Variants in UBE2F observed in about 807,000 individuals in gnomAD.
The protein encoded by UBE2F is ubiquitin conjugating enzyme E2 F (putative).
UBE2F carries 5 observed loss-of-function variants against 29.6 expected under a neutral mutation model. That is an observed-to-expected ratio of 0.17 (90% CI 0.09 to 0.36). The LOEUF (loss-of-function observed/expected upper bound fraction) is 0.36. Among genes scored for constraint, UBE2F ranks in the 10% least tolerant of loss-of-function variants. The pLI is 1.00. For missense variants in UBE2F, 141 were observed against 228.5 expected (o/e 0.62, Z 2.47); for synonymous variants, 66 against 81.8 (o/e 0.81, Z 1.04).
At chr2:237,983,630 G>C (rs10754945) in intron 2 of UBE2F, among the ~76,000 whole-genome samples, 130,671 of 152,134 alleles carry the variant, frequency 0.86, 56,269 homozygotes, top group East Asian at 0.97. Flanking sequence ...GCCCCTTCCC[G>C]TTGCCTCCTT....
chr2:238,004,888 C>G lies in UBE2F; in HGVS notation c.214+10079C>G, dbSNP rs557850045. Among the ~76,000 whole-genome samples, 67 of 152,254 alleles carry G rather than the reference C, an allele frequency of 4.4e-4. No homozygotes were observed. In the South Asian group the frequency reaches 0.013, roughly 30 times the overall value. The stretch of plus-strand genomic sequence containing the variant: ...CAGAAAGACTCACCTGCCACTGCTC[C>G]CTCTGGAGATGGAGGAAGGGCCCAT... On this transcript the variant is annotated intron_variant, in intron 4 of 9. Coordinates refer to ENST00000272930, the MANE Select transcript of UBE2F (RefSeq NM_080678.3).
chr2:237,967,093 T>C lies in UBE2F; in HGVS notation c.-56T>C. The C allele has an allele frequency of 7.4e-7, 1 of 1,348,654 alleles. No homozygotes were observed. The highest frequency in any genetic ancestry group is 1.7e-5 in the South Asian group (1 of 58,406). The allele number at this position is 1,348,654 out of a possible 1,614,324, so 83.5% of individuals were successfully genotyped here. On this transcript the variant is annotated 5_prime_UTR_variant, in exon 1 of 10. Transcript: ENST00000272930. The surrounding 1 kb of genome is among the most constrained non-coding windows in gnomAD (Gnocchi z 6.3). Reference sequence around the variant, plus strand: ...GCAGCCGCCCGGACCGGGCATGGTGTTGGGCGCCGGGCCCGCCTCGCCTGT... The same window carrying C: ...GCAGCCGCCCGGACCGGGCATGGTGCTGGGCGCCGGGCCCGCCTCGCCTGT...
chr2:237,996,182 A>G (rs1482877835), intron 4 of UBE2F, among the ~76,000 whole-genome samples: 1 of 152,220 alleles, frequency 6.6e-6, no homozygotes, highest in African/African-American at 2.4e-5. Context: ...GACATCATTT[A>G]CTATTCTGTT....
At chr2:238,022,101 T>C (rs551668818) in intron 5 of UBE2F, among the ~76,000 whole-genome samples, 2 of 152,362 alleles carry the variant, frequency 1.3e-5, no homozygotes, top group African/African-American at 4.8e-5. Context: ...TTTGTTGTTG[T>C]TGTTGCCATT....
Position 238,035,936 on chromosome 2 carries a change from AC to A in UBE2F, c.504del (p.Asp168GlufsTer37). The A allele has an allele frequency of 6.2e-7, 1 of 1,613,410 alleles. No homozygotes were observed. Among genetic ancestry groups the A allele is most frequent in the Non-Finnish European group, 8.5e-7 (1 of 1,179,762 alleles). ...NIEAAEHHLRDKEDFRNKVDD... is the reference protein window; with the variant it reads ...NIEAAEHHLRXKEDFRNKVDD... The stretch of plus-strand genomic sequence containing the variant: ...GAAGCTGCAGAACATCATTTGCGGG[AC>A]AAGGTGAGCCAGTAACAGGCTTATT... On this transcript the variant is annotated frameshift_variant, in exon 9 of 10. Transcript: ENST00000272930. LOFTEE classifies it high-confidence loss of function.
chr2:238,012,831 G>A (rs1486714450), intron 4 of UBE2F, among the ~76,000 whole-genome samples: 1 of 152,108 alleles, frequency 6.6e-6, no homozygotes, highest in East Asian at 1.9e-4. Flanking sequence ...CTCTCAAAGG[G>A]GTAATGCCTG....
Position 237,982,610 on chromosome 2 carries a change from C to T in UBE2F, c.119-5353C>T, listed in dbSNP as rs2063402814. Among the ~76,000 whole-genome samples, 1 of 152,138 alleles carries T rather than the reference C, an allele frequency of 6.6e-6. No individual in the cohort carries two copies. The highest frequency in any genetic ancestry group is 1.5e-5 in the Non-Finnish European group (1 of 68,036). ...GGGAAAGCTGGATTCCAGTGGCCAG[C>T]ATCAATCTCTCAAAAGAAGGGCCCT... On this transcript the variant is annotated intron_variant, in intron 2 of 9. Coordinates refer to ENST00000272930, the MANE Select transcript of UBE2F (RefSeq NM_080678.3). The surrounding 1 kb of genome is among the most constrained non-coding windows in gnomAD (Gnocchi z 4.1).
intron 4 of UBE2F, among the ~76,000 whole-genome samples, chr2:237,995,673 C>T (rs917854874): frequency 2.6e-4 from 39 of 152,110 alleles, no homozygotes; most frequent in Non-Finnish European, 5.9e-5. Context: ...AAATAAGTCC[C>T]GGCCTTGTCT....
chr2:237,981,761 G>A (rs1319256726), intron 2 of UBE2F, among the ~76,000 whole-genome samples: 1 of 151,566 alleles, frequency 6.6e-6, no homozygotes, highest in African/African-American at 2.4e-5. Context: ...TGAGTAGCTG[G>A]GAGTACAGGT....
intron 4 of UBE2F, among the ~76,000 whole-genome samples, chr2:238,008,256 G>T (rs910224920): frequency 6.6e-6 from 1 of 152,150 alleles, no homozygotes; most frequent in Non-Finnish European, 1.5e-5. Flanking sequence ...ACTGTGCCTG[G>T]CCTATTAATT....
chr2:238,016,501 G>T, intron 4 of UBE2F, 65 bp from the exon 5 acceptor site: 4 of 1,417,548 alleles, frequency 2.8e-6, no homozygotes, highest in Non-Finnish European at 2.9e-6. Context: ...CAGAGTGTTT[G>T]CTTTTTGTTT....
intron 6 of UBE2F, among the ~76,000 whole-genome samples, chr2:238,026,691 C>T (rs906994448): frequency 1.3e-5 from 2 of 152,118 alleles, no homozygotes; most frequent in Non-Finnish European, 2.9e-5. Context: ...CCTCGGCCTC[C>T]TAGAGTGCTG....
In UBE2F at chr2:238,022,175, C is replaced by CTTTTTTTTTTTTTTTTT. The variant is rs1162304454; in HGVS notation, c.283-3156_283-3155insTTTTTTTTTTTTTTTTT. Among the ~76,000 whole-genome samples the CTTTTTTTTTTTTTTTTT allele has an allele frequency of 6.9e-3, 435 of 63,162 alleles. 21 individuals carry two copies. The highest frequency in any genetic ancestry group is 0.016 in the African/African-American group (392 of 23,844). 41.4% of individuals were successfully genotyped at this position (63,162 alleles called of 152,430 possible). A position where few individuals can be genotyped will look rare whatever the true frequency, so the allele number is the denominator to read the frequency against. On this transcript the variant is annotated intron_variant, in intron 5 of 9. Coordinates refer to ENST00000272930, the MANE Select transcript of UBE2F (RefSeq NM_080678.3). ...ATTTCTTTTTCTTTTCTTTTCTTTT[C>CTTTTTTTTTTTTTTTTT]TTTTTTTTTTTGGAGACAGAGTCTT... is the stretch of plus-strand genomic sequence containing the variant.
intron 2 of UBE2F, among the ~76,000 whole-genome samples, chr2:237,978,333 T>A (rs1172700461): frequency 6.6e-6 from 1 of 152,186 alleles, no homozygotes; most frequent in Non-Finnish European, 1.5e-5. Flanking sequence ...TCTGATGTGG[T>A]GCAGATGGCA....
chr2:238,034,409 CAA>C (rs964731071), intron 8 of UBE2F, among the ~76,000 whole-genome samples: 5 of 151,694 alleles, frequency 3.3e-5, no homozygotes, highest in Non-Finnish European at 5.9e-5. Flanking sequence ...GGCTGGGCAA[CAA>C]GAGCGAAAAT....
At chr2:238,004,874 A>G (rs1006488099) in intron 4 of UBE2F, among the ~76,000 whole-genome samples, 2 of 152,146 alleles carry the variant, frequency 1.3e-5, no homozygotes, top group East Asian at 3.9e-4. Flanking sequence ...AGAAAGACTC[A>G]CCTGCCACTG....
At chr2:237,981,524 C>A (rs759924726) in intron 2 of UBE2F, among the ~76,000 whole-genome samples, 5 of 150,958 alleles carry the variant, frequency 3.3e-5, no homozygotes, top group Non-Finnish European at 7.4e-5. Context: ...TAGGCTGGGT[C>A]CAGGAGCTCC....
chr2:238,000,279 T>C (rs1440829080), intron 4 of UBE2F, among the ~76,000 whole-genome samples: 2 of 152,246 alleles, frequency 1.3e-5, no homozygotes, highest in African/African-American at 4.8e-5. Flanking sequence ...TTTTTCTCAA[T>C]TGTTTGCCCA....
In UBE2F at chr2:237,967,788, A is replaced by C. The variant is rs2063089208; in HGVS notation, c.-17+656A>C. On this transcript the variant is annotated intron_variant, in intron 1 of 9. Transcript: ENST00000272930. The surrounding 1 kb of genome is among the most constrained non-coding windows in gnomAD (Gnocchi z 6.3). ...GACGAGGAAGGAAGGGCATCTTGGA[A>C]CAATTAGTGCAGCAGAGTCTTGGTT... 6.6e-6 allele frequency among the ~76,000 whole-genome samples: 1 copy of C among 152,334 alleles called. No homozygotes were observed. Among genetic ancestry groups the C allele is most frequent in the East Asian group, 1.9e-4 (1 of 5,176 alleles).
Sources: gnomAD v4.1 joint callset for allele counts (sites outside exome capture counted in the v4.1 genomes callset) on GRCh38, gnomAD v4.1.1 for gene constraint, Gnocchi (gnomAD v3.1) non-coding constraint, MANE v1.5 for transcripts, NCBI Gene and HGNC (gene_info 2026-07-23, HGNC 2026-07-21) for gene names.